Variants in MEF2A observed in about 807,000 individuals in gnomAD.
The protein encoded by MEF2A is myocyte-specific enhancer factor 2A.
Under a neutral mutation model 55.8 loss-of-function variants are expected in MEF2A, and 28 were observed. That is an observed-to-expected ratio of 0.50 (90% CI 0.37 to 0.69). The LOEUF (loss-of-function observed/expected upper bound fraction) is 0.69. Among genes scored for constraint, MEF2A ranks in the 30% least tolerant of loss-of-function variants. The pLI is 0.00. For synonymous variants in MEF2A, 239 were observed against 227.1 expected, an observed-to-expected ratio of 1.05 and a Z score of -0.47; for missense variants, 528 against 626.2, an observed-to-expected ratio of 0.84 and a Z score of 1.67.
intron 3 of MEF2A, among the ~76,000 whole-genome samples, chr15:99,637,117 C>CTT (rs756775857): frequency 2.8e-5 from 4 of 142,290 alleles, no homozygotes; most frequent in East Asian, 2.0e-4. Flanking sequence ...AGTTCTGCAC[C>CTT]TTTTTTTTTT....
chr15:99,571,970 A>G (rs1461132200), intron 1 of MEF2A, among the ~76,000 whole-genome samples: 4 of 148,098 alleles, frequency 2.7e-5, no homozygotes, highest in African/African-American at 1.0e-4. Flanking sequence ...TACTGCAGTA[A>G]TTTTCTAAGT....
chr15:99,633,607 C>G (rs2043276017), intron 3 of MEF2A, among the ~76,000 whole-genome samples: 1 of 151,836 alleles, frequency 6.6e-6, no homozygotes, highest in Non-Finnish European at 1.5e-5. Context: ...TCTGGTTAAC[C>G]AATATGTAAT....
chr15:99,708,155 G>C lies in MEF2A; in HGVS notation c.1009+1300G>C, dbSNP rs960177065. On this transcript the variant is annotated intron_variant, in intron 10 of 11. Transcript: ENST00000557942. ...TTGATCACCTGCTCTGTGAGAGACTGTACTAGGGACATAGCTTTCTCCAAG... is the reference window on the plus strand; with the variant it reads ...TTGATCACCTGCTCTGTGAGAGACTCTACTAGGGACATAGCTTTCTCCAAG... Among the ~76,000 whole-genome samples, 7 of 152,238 alleles carry C rather than the reference G, an allele frequency of 4.6e-5. No homozygotes were observed. The East Asian group carries it at 9.6e-4, about 21-fold the overall frequency.
chr15:99,625,316 T>C (rs987801090), intron 2 of MEF2A, among the ~76,000 whole-genome samples: 1 of 152,210 alleles, frequency 6.6e-6, no homozygotes, highest in African/African-American at 2.4e-5. Context: ...ACTAAATTTA[T>C]TAGTTCTACC....
chr15:99,654,696 C>T (rs2047417331), intron 4 of MEF2A, among the ~76,000 whole-genome samples: 1 of 152,082 alleles, frequency 6.6e-6, no homozygotes, highest in Non-Finnish European at 1.5e-5. Context: ...TGTCTTCACA[C>T]TGGCTTTTTC....
At chr15:99,688,354 A>G (rs1370321639) in intron 7 of MEF2A, among the ~76,000 whole-genome samples, 6 of 152,254 alleles carry the variant, frequency 3.9e-5, no homozygotes, top group South Asian at 2.1e-4. Context: ...CAGAAGTGGT[A>G]CAGACTACAA....
chr15:99,567,911 A>G (rs1960437764), intron 1 of MEF2A, among the ~76,000 whole-genome samples: 1 of 152,214 alleles, frequency 6.6e-6, no homozygotes, highest in African/African-American at 2.4e-5. Context: ...TAATGGTGTT[A>G]CAATAATCAA....
At chr15:99,655,767 T>A (rs1473649520) in intron 4 of MEF2A, among the ~76,000 whole-genome samples, 1 of 152,074 alleles carries the variant, frequency 6.6e-6, no homozygotes, top group Non-Finnish European at 1.5e-5. Context: ...GTTTAAAAAT[T>A]GATTTATAGA....
chr15:99,681,696 A>T (rs1353453572), intron 7 of MEF2A: 1 of 152,232 alleles, frequency 6.6e-6, no homozygotes, highest in South Asian at 2.1e-4. Flanking sequence ...GACAGGATCC[A>T]TGTTGTCCAT....
At chr15:99,604,312 A>T (rs888454332) in intron 2 of MEF2A, among the ~76,000 whole-genome samples, 1 of 152,110 alleles carries the variant, frequency 6.6e-6, no homozygotes, top group Non-Finnish European at 1.5e-5. Flanking sequence ...CTCTCTTGGC[A>T]CTGATACTGC....
chr15:99,572,123 C>T (rs2152738234), intron 1 of MEF2A, among the ~76,000 whole-genome samples: 1 of 151,060 alleles, frequency 6.6e-6, no homozygotes, highest in African/African-American at 2.4e-5. Flanking sequence ...TCCCATTCCT[C>T]TCAAAATCAA....
chr15:99,654,516 G>T (rs926416051), intron 4 of MEF2A, among the ~76,000 whole-genome samples: 1 of 150,798 alleles, frequency 6.6e-6, no homozygotes, highest in African/African-American at 2.4e-5. Context: ...GGGGTATTGG[G>T]GGACAGAGCG....
chr15:99,643,888 G>T (rs1482381009), intron 3 of MEF2A, among the ~76,000 whole-genome samples: 2 of 152,162 alleles, frequency 1.3e-5, no homozygotes, highest in African/African-American at 4.8e-5. Flanking sequence ...ACCGTGCCCT[G>T]CTGAGAATTT....
At chr15:99,605,481 G>C (rs1461310199) in intron 2 of MEF2A, among the ~76,000 whole-genome samples, 1 of 152,114 alleles carries the variant, frequency 6.6e-6, no homozygotes, top group Non-Finnish European at 1.5e-5. Flanking sequence ...TGTGCAAGGT[G>C]GACATCCAAG....
intron 2 of MEF2A, among the ~76,000 whole-genome samples, chr15:99,630,001 C>G (rs2042696119): frequency 7.0e-6 from 1 of 142,562 alleles, no homozygotes. Flanking sequence ...ACTCTTGCCC[C>G]CGTCCCTCTC....
At chr15:99,677,163 C>T (rs568317561) in intron 7 of MEF2A, among the ~76,000 whole-genome samples, 1 of 152,038 alleles carries the variant, frequency 6.6e-6, no homozygotes, top group South Asian at 2.1e-4. Context: ...AAAACACCAT[C>T]TCAGACCTTA....
intron 1 of MEF2A, among the ~76,000 whole-genome samples, chr15:99,583,136 T>A (rs1966417058): frequency 6.6e-6 from 1 of 152,140 alleles, no homozygotes; most frequent in Non-Finnish European, 1.5e-5. Flanking sequence ...ATTTTTATTT[T>A]CCGTTAGTTC....
At chr15:99,661,924 C>G (rs2048713321) in intron 4 of MEF2A, among the ~76,000 whole-genome samples, 1 of 151,846 alleles carries the variant, frequency 6.6e-6, no homozygotes. Context: ...TTTTTTCAAG[C>G]CATGTAATAC....
rs985022812 is a variant in MEF2A at position 99,715,834 on chromosome 15, G to A, written c.*3063G>A. ...CACTCCACCGCGAGTGGAAGTCACT[G>A]TTGTGTGTACACAGGTGGTCCCAAT... On this transcript the variant is annotated 3_prime_UTR_variant, in exon 12 of 12. Transcript: ENST00000557942. 7 of 152,350 alleles carry A rather than the reference G, an allele frequency of 4.6e-5. No homozygotes were observed. The highest frequency in any genetic ancestry group is 3.9e-4 in the East Asian group (2 of 5,184). The allele number at this position is 152,350 out of a possible 1,614,324, so 9.4% of individuals were successfully genotyped here.
Sources: gnomAD v4.1 joint callset for allele counts (sites outside exome capture counted in the v4.1 genomes callset) on GRCh38, gnomAD v4.1.1 for gene constraint, MANE v1.5 for transcripts, NCBI Gene and HGNC (gene_info 2026-07-23, HGNC 2026-07-21) for gene names.